ARPC2: variants seen among roughly 807,000 people sequenced by gnomAD.
ARPC2 encodes the protein actin-related protein 2/3 complex subunit 2.
ARPC2 carries 4 observed loss-of-function variants against 38.6 expected under a neutral mutation model. The observed-to-expected ratio is 0.10, with a 90% CI of 0.05 to 0.24. ARPC2 has a LOEUF of 0.24. Ranked by LOEUF, ARPC2 falls within the 10% of genes least tolerant of loss-of-function variation. ARPC2 has a pLI of 1.00. For synonymous variants in ARPC2, 125 were observed against 140.8 expected (o/e 0.89, Z 0.79); for missense variants, 229 against 387.3 (o/e 0.59, Z 3.43).
chr2:218,234,226 A>T (rs964492261), intron 4 of ARPC2, 126 bp from the exon 5 acceptor site: 1 of 685,598 alleles, frequency 1.5e-6, no homozygotes, highest in Non-Finnish European at 2.4e-6. Flanking sequence ...TTTCCCATCC[A>T]CCAAATGAAA....
intron 5 of ARPC2, chr2:218,234,860 G>A (rs1451043562): frequency 1.3e-5 from 6 of 456,776 alleles, no homozygotes; most frequent in African/African-American, 1.2e-4. Flanking sequence ...CTTCTAATAG[G>A]TTGTCTCAAC....
chr2:218,234,957 G>A (rs1689733254), intron 5 of ARPC2: 1 of 432,150 alleles, frequency 2.3e-6, no homozygotes, highest in South Asian at 1.7e-5. Flanking sequence ...GGTTTAAAGT[G>A]GAAAAACTGA....
chr2:218,241,236 A>T (rs944411864), intron 7 of ARPC2, among the ~76,000 whole-genome samples: 2 of 152,226 alleles, frequency 1.3e-5, no homozygotes, highest in South Asian at 2.1e-4. Context: ...ATAGCCTTCT[A>T]AGTGGCTAGG....
intron 8 of ARPC2, among the ~76,000 whole-genome samples, chr2:218,248,551 C>T (rs538342285): frequency 6.6e-6 from 1 of 152,200 alleles, no homozygotes. Context: ...ACCTCCACCC[C>T]CCGGGTTTAA....
At chr2:218,233,545 A>G (rs1689693508) in intron 4 of ARPC2, 2 of 151,790 alleles carry the variant, frequency 1.3e-5, no homozygotes, top group African/African-American at 2.4e-5. Flanking sequence ...AACCTTCTGG[A>G]CACCAGTATT....
chr2:218,224,000 CCCATGAAGTCT>C (rs1689439895), intron 2 of ARPC2, among the ~76,000 whole-genome samples: 1 of 152,190 alleles, frequency 6.6e-6, no homozygotes, highest in African/African-American at 2.4e-5. Flanking sequence ...CAGAAGACTT[CCCATGAAGTCT>C]CCTTTGGCCT....
At chr2:218,226,954 T>C (rs1218160305) in intron 3 of ARPC2, 3 of 455,682 alleles carry the variant, frequency 6.6e-6, no homozygotes, top group African/African-American at 6.0e-5. Context: ...CTGCTTTCTG[T>C]TCCCTATAAA....
chr2:218,217,251 C>A lies in ARPC2; in HGVS notation c.-12C>A. ...GGCAGGCGGGTTCAGGCTTCGGGGG[C>A]CAGGTCGGTTGGGTGGGTGGGTGTC... On this transcript the variant is annotated 5_prime_UTR_variant, in exon 1 of 11. Coordinates refer to ENST00000315717, the MANE Select transcript of ARPC2 (RefSeq NM_152862.3). 1 of 468,504 alleles carries A rather than the reference C, an allele frequency of 2.1e-6. No homozygotes were observed. 29.0% of individuals were successfully genotyped at this position (468,504 alleles called of 1,614,324 possible). A position where few individuals can be genotyped will look rare whatever the true frequency, so the allele number is the denominator to read the frequency against.
chr2:218,228,070 G>A (rs765308355), intron 3 of ARPC2, among the ~76,000 whole-genome samples: 1 of 152,116 alleles, frequency 6.6e-6, no homozygotes, highest in Non-Finnish European at 1.5e-5. Context: ...AAATCAATGG[G>A]AAGGAGGATG....
chr2:218,246,949 G>A (rs532962508), intron 8 of ARPC2, among the ~76,000 whole-genome samples: 1 of 152,102 alleles, frequency 6.6e-6, no homozygotes, highest in East Asian at 1.9e-4. Flanking sequence ...CTGCGCTCCA[G>A]CCTGGGAGAC....
At chr2:218,249,771 G>A in intron 9 of ARPC2, 50 bp from the exon 10 acceptor site, 1 of 1,536,210 alleles carries the variant, frequency 6.5e-7, no homozygotes, top group Non-Finnish European at 8.9e-7. Flanking sequence ...CAGCAAAGCT[G>A]TCTTTCTAGA....
chr2:218,232,381 C>A (rs942234155), intron 4 of ARPC2, among the ~76,000 whole-genome samples: 1 of 152,094 alleles, frequency 6.6e-6, no homozygotes, highest in African/African-American at 2.4e-5. Context: ...GTTGCTATAA[C>A]AGAATACCAC....
chr2:218,234,537 G>C (rs1018288), intron 5 of ARPC2, 140 bp downstream of exon 5: 664,287 of 679,122 alleles, frequency 0.98, 326,001 homozygotes, highest in East Asian at 1. Flanking sequence ...TTTCAACTCC[G>C]TCCATAAAAA....
At chr2:218,234,818 G>A in intron 5 of ARPC2, 1 of 458,526 alleles carries the variant, frequency 2.2e-6, no homozygotes. Flanking sequence ...GTGATTTCAA[G>A]TAATAAAAAT....
intron 4 of ARPC2, among the ~76,000 whole-genome samples, chr2:218,230,287 C>CTTTTTTT (rs768585570): frequency 3.8e-4 from 28 of 73,016 alleles, no homozygotes; most frequent in South Asian, 1.2e-3. Context: ...TTTTTTTTTT[C>CTTTTTTT]TTTTTTTTTT....
chr2:218,223,678 C>T (rs1003548648), intron 2 of ARPC2, among the ~76,000 whole-genome samples: 1 of 152,158 alleles, frequency 6.6e-6, no homozygotes, highest in Non-Finnish European at 1.5e-5. Context: ...GGCCCGGTGA[C>T]ATTTGAGGAG....
In ARPC2 at chr2:218,249,804, G is replaced by T; in HGVS notation, c.778-17G>T. ...AGACCATGACTGTGCTTTAGTACCT[G>T]TTATGTTTGTTCCCAGGCCTATATT... is the stretch of plus-strand genomic sequence containing the variant. On this transcript the variant is annotated splice_polypyrimidine_tract_variant and intron_variant, in intron 9 of 10. Transcript: ENST00000315717. 2 of 1,605,644 alleles carry T rather than the reference G, an allele frequency of 1.2e-6. No homozygotes were observed. Among genetic ancestry groups the T allele is most frequent in the Non-Finnish European group, 1.7e-6 (2 of 1,173,440 alleles).
intron 2 of ARPC2, among the ~76,000 whole-genome samples, chr2:218,222,217 A>C (rs1188427586): frequency 6.6e-6 from 1 of 152,178 alleles, no homozygotes; most frequent in East Asian, 1.9e-4. Flanking sequence ...CAGTGAGCAG[A>C]GGTGGCACCA....
At chr2:218,217,354 A>AC (rs1323889781) in intron 1 of ARPC2, 100 bp downstream of exon 1, 3 of 974,348 alleles carry the variant, frequency 3.1e-6, no homozygotes, top group Non-Finnish European at 4.8e-6. Context: ...TTCTCCCCTA[A>AC]CCTCCTACCC....
Sources: allele counts gnomAD v4.1 joint callset (sites outside exome capture counted in the v4.1 genomes callset), GRCh38; gene constraint gnomAD v4.1.1; transcripts MANE v1.5; gene names NCBI Gene and HGNC (gene_info 2026-07-23, HGNC 2026-07-21).